The following GLI3 variants were observed in gnomAD, a reference collection of about 807,000 sequenced individuals.
GLI3 encodes GLI family zinc finger 3, also known as transcription activator GLI3.
A neutral mutation model predicts 100.8 loss-of-function variants in GLI3; 20 were observed. The observed-to-expected ratio is 0.20, with a 90% CI of 0.14 to 0.29. The LOEUF (loss-of-function observed/expected upper bound fraction) is 0.29, where lower values mean the gene tolerates loss of function less well. GLI3 is among the 10% of genes least tolerant of loss of function. The probability of loss-of-function intolerance (pLI) is 1.00; values close to 1 mark genes in which losing one functional copy is unlikely to be tolerated. For missense variants in GLI3, 2,040 were observed against 2,128.5 expected, an observed-to-expected ratio of 0.96 and a Z score of 0.82; for synonymous variants, 938 against 860.5, an observed-to-expected ratio of 1.09 and a Z score of -1.58.
chr7:42,236,667 G>A (rs1018243914), intron 1 of GLI3, among the ~76,000 whole-genome samples: 6 of 152,214 alleles, frequency 3.9e-5, no homozygotes, highest in Non-Finnish European at 8.8e-5. Context: ...GGGGGCGGAG[G>A]CGAGGGGCGC....
chr7:42,052,785 T>G (rs1449101363), intron 4 of GLI3, among the ~76,000 whole-genome samples: 1 of 152,182 alleles, frequency 6.6e-6, no homozygotes, highest in African/African-American at 2.4e-5. Flanking sequence ...CACATTAGGC[T>G]CTCGTGAGCT....
intron 3 of GLI3, among the ~76,000 whole-genome samples, chr7:42,092,124 A>G (rs919585900): frequency 6.6e-6 from 1 of 152,164 alleles, no homozygotes; most frequent in Non-Finnish European, 1.5e-5. Flanking sequence ...CCCCGAAGAG[A>G]TTATCTGCCC....
At chr7:41,997,148 TC>T (rs1343070756) in intron 10 of GLI3, among the ~76,000 whole-genome samples, 2 of 152,144 alleles carry the variant, frequency 1.3e-5, no homozygotes, top group Non-Finnish European at 2.9e-5. Context: ...GTTGAGTTTT[TC>T]CCCCAGATGT....
intron 4 of GLI3, among the ~76,000 whole-genome samples, chr7:42,065,996 G>A (rs1784666863): frequency 6.6e-6 from 1 of 152,194 alleles, no homozygotes; most frequent in Non-Finnish European, 1.5e-5. Flanking sequence ...GCTTGGCAGA[G>A]ACCCACAGCG....
At chr7:42,228,233 C>T (rs1286435728) in intron 1 of GLI3, among the ~76,000 whole-genome samples, 1 of 152,122 alleles carries the variant, frequency 6.6e-6, no homozygotes, top group Non-Finnish European at 1.5e-5. Context: ...CGCCAGCAAA[C>T]AGAACATGCT....
At position 42,040,067 on chromosome 7, in the gene GLI3, G is replaced by A. The variant is rs753440773; in HGVS notation, c.999C>T (p.Ser333=). The part of the protein sequence containing the change: ...NSRSSSSASG[S]YGHLSASAIS... Reference sequence around the variant, plus strand: ...TTGCACTTGCAGATAAGTGACCATAGGAGCCACTTGCTGAAGAGCTGCTAC... The same window carrying A: ...TTGCACTTGCAGATAAGTGACCATAAGAGCCACTTGCTGAAGAGCTGCTAC... Residue 333 remains serine, a synonymous_variant, in exon 7 of 15, where the codon TCC becomes TCT. Coordinates refer to ENST00000395925, the MANE Select transcript of GLI3 (RefSeq NM_000168.6). 1 of 1,613,224 alleles carries A rather than the reference G, an allele frequency of 6.2e-7. No individual in the cohort carries two copies.
At position 42,113,385 on chromosome 7, in the gene GLI3, G is replaced by A. The variant is rs570506403; in HGVS notation, c.367+34841C>T. On this transcript the variant is annotated intron_variant, in intron 3 of 14. Coordinates refer to ENST00000395925, the MANE Select transcript of GLI3 (RefSeq NM_000168.6). ...CCAGCATGCCCAAGAGAAAGGCTGA[G>A]GGGGATGCTGAAGGAGATGAAGCCA... 4 of 694,198 alleles carry A rather than the reference G, an allele frequency of 5.8e-6. No homozygotes were observed. In the African/African-American group the frequency reaches 7.0e-5, roughly 12 times the overall value. The allele number at this position is 694,198 out of a possible 1,614,324, so 43.0% of individuals were successfully genotyped here.
rs994853836 is a variant in GLI3, at chr7:41,962,965, T to C, written c.*1365A>G. 1 of 152,206 alleles carries C rather than the reference T, an allele frequency of 6.6e-6. No individual in the cohort carries two copies. The highest frequency in any genetic ancestry group is 1.5e-5 in the Non-Finnish European group (1 of 68,026). The allele number at this position is 152,206 out of a possible 1,614,324, so 9.4% of individuals were successfully genotyped here. ...GACTTTTATGTGTATCAAATGCACG[T>C]GGGGAGTAGCTGCACTTCAAAAATC... On this transcript the variant is annotated 3_prime_UTR_variant, in exon 15 of 15. Transcript: ENST00000395925.
At chr7:42,019,465 T>C (rs912744500) in intron 10 of GLI3, among the ~76,000 whole-genome samples, 1 of 152,184 alleles carries the variant, frequency 6.6e-6, no homozygotes, top group African/African-American at 2.4e-5. Flanking sequence ...GAAAGCATCC[T>C]TCCTCCTTGG....
chr7:42,200,394 T>C (rs1788013751), intron 2 of GLI3, among the ~76,000 whole-genome samples: 1 of 152,200 alleles, frequency 6.6e-6, no homozygotes, highest in Non-Finnish European at 1.5e-5. Context: ...AAAGAGACTT[T>C]GAGGCCTTAT....
chr7:42,186,718 A>T (rs1161945096), intron 2 of GLI3, among the ~76,000 whole-genome samples: 3 of 152,266 alleles, frequency 2.0e-5, no homozygotes, highest in Non-Finnish European at 4.4e-5. Context: ...ATCTTTGAAA[A>T]TAATATATCC....
In GLI3 at chr7:42,255,470, G is replaced by A. The variant is rs572985745; in HGVS notation, c.-43+8524C>T. ...TAAAAGAAAAATCCCTCATGTCTGCGTGCATCAATTCCTGCTCCTGCCTTC... is the reference window on the plus strand; with the variant it reads ...TAAAAGAAAAATCCCTCATGTCTGCATGCATCAATTCCTGCTCCTGCCTTC... On this transcript the variant is annotated intron_variant, in intron 1 of 2. Transcript: ENST00000678978. 5.3e-5 allele frequency among the ~76,000 whole-genome samples: 8 copies of A among 152,208 alleles called. No individual in the cohort carries two copies. The South Asian group carries it at 6.2e-4, about 12-fold the overall frequency.
At chr7:42,012,510 C>T (rs1788646788) in intron 10 of GLI3, among the ~76,000 whole-genome samples, 1 of 152,156 alleles carries the variant, frequency 6.6e-6, no homozygotes, top group Non-Finnish European at 1.5e-5. Context: ...ATCAGTAGGA[C>T]CTAGACCATT....
intron 4 of GLI3, among the ~76,000 whole-genome samples, chr7:42,068,399 T>A (rs1388568200): frequency 6.6e-6 from 1 of 152,216 alleles, no homozygotes; most frequent in African/African-American, 2.4e-5. Flanking sequence ...TTTGTTTCAG[T>A]ATAGCTCTCT....
chr7:41,987,023 G>A (rs547284656), intron 10 of GLI3, among the ~76,000 whole-genome samples: 1 of 151,422 alleles, frequency 6.6e-6, no homozygotes, highest in Non-Finnish European at 1.5e-5. Context: ...GGTAGGGCCC[G>A]ACAAGTGTTT....
intron 2 of GLI3, among the ~76,000 whole-genome samples, chr7:42,215,317 A>T (rs562559666): frequency 6.6e-6 from 1 of 152,194 alleles, no homozygotes; most frequent in South Asian, 2.1e-4. Context: ...TAAAGCAGAC[A>T]TATCTGGAAA....
intron 1 of GLI3, among the ~76,000 whole-genome samples, chr7:42,230,303 C>T (rs867981702): frequency 6.6e-6 from 1 of 152,230 alleles, no homozygotes; most frequent in African/African-American, 2.4e-5. Context: ...CCCAAATCCA[C>T]TGCCTAGTGT....
intron 3 of GLI3, among the ~76,000 whole-genome samples, chr7:42,127,142 T>C (rs557957847): frequency 6.6e-6 from 1 of 152,234 alleles, no homozygotes; most frequent in African/African-American, 2.4e-5. Context: ...ACTTCTGACA[T>C]GGCTCTTGAT....
At chr7:42,157,445 C>T (rs543401429) in intron 2 of GLI3, among the ~76,000 whole-genome samples, 6 of 152,302 alleles carry the variant, frequency 3.9e-5, no homozygotes, top group East Asian at 1.9e-4. Context: ...ACAGACATGA[C>T]GCTAGCTGCT....
Sources: allele counts gnomAD v4.1 joint callset (sites outside exome capture counted in the v4.1 genomes callset), GRCh38; gene constraint gnomAD v4.1.1; transcripts MANE v1.5; gene names NCBI Gene and HGNC (gene_info 2026-07-23, HGNC 2026-07-21).